The following INKA2 variants were observed in gnomAD, a reference collection of about 807,000 sequenced individuals.
INKA2 encodes the protein inka box actin regulator 2, also known as PAK4-inhibitor INKA2.
Under a neutral mutation model 9.8 loss-of-function variants are expected in INKA2, and 3 were observed. That is an observed-to-expected ratio of 0.31 (90% CI 0.14 to 0.79). INKA2 has a LOEUF of 0.79. Ranked by LOEUF, INKA2 falls within the 30% of genes least tolerant of loss-of-function variation. The pLI is 0.62. For synonymous variants in INKA2, 147 were observed against 143.3 expected, an observed-to-expected ratio of 1.03 and a Z score of -0.18; for missense variants, 392 against 384.4, an observed-to-expected ratio of 1.02 and a Z score of -0.17.
upstream of INKA2, chr1:111,740,033 C>G (rs1269158364): frequency 1.3e-5 from 2 of 152,282 alleles, no homozygotes; most frequent in Non-Finnish European, 2.9e-5. Context: ...GAGGTCCCTG[C>G]TCTCAAGAAC....
At chr1:111,752,015 C>G (rs1663422236) in intron 1 of INKA2, among the ~76,000 whole-genome samples, 1 of 151,626 alleles carries the variant, frequency 6.6e-6, no homozygotes, top group African/African-American at 2.4e-5. Context: ...GATAGTGTGG[C>G]AGCTTTTGAG....
chr1:111,727,370 G>C lies in INKA2; in HGVS notation c.492C>G (p.Asp164Glu), dbSNP rs1304699123. ...PLVLGDNVFA[D>E]LVGNWLDLPE... ...GCAAGTCTAGCCAATTGCCCACCAG[G>C]TCTGCAAAAACGTTGTCCCCTAACA... Residue 164 changes from aspartate (D) to glutamate (E), a missense_variant, in exon 2 of 2, where the codon GAC (aspartate) becomes GAG (glutamate). Physicochemically the swap from Asp to Glu is conservative, Grantham distance 45. Coordinates refer to ENST00000357260, the MANE Select transcript of INKA2 (RefSeq NM_019099.5). 8 of 1,613,946 alleles carry C rather than the reference G, an allele frequency of 5.0e-6. No individual in the cohort carries two copies. The South Asian group carries it at 8.8e-5, about 18-fold the overall frequency.
chr1:111,732,366 TG>T (rs1662925274), intron 1 of INKA2, among the ~76,000 whole-genome samples: 1 of 152,076 alleles, frequency 6.6e-6, no homozygotes, highest in South Asian at 2.1e-4. Flanking sequence ...CGAGCAGACA[TG>T]AGTAGCTCTA....
At chr1:111,749,443 TGTGC>T (rs1173401503) in intron 1 of INKA2, among the ~76,000 whole-genome samples, 123 of 145,796 alleles carry the variant, frequency 8.4e-4, no homozygotes, top group Non-Finnish European at 1.0e-3. Flanking sequence ...TGTGTGTGTG[TGTGC>T]GCGCGCGCGC....
At chr1:111,740,921 G>T (rs1195170798), upstream of INKA2, among the ~76,000 whole-genome samples, 1 of 142,836 alleles carries the variant, frequency 7.0e-6, no homozygotes, top group Non-Finnish European at 1.5e-5. Flanking sequence ...GCAGTGAGCC[G>T]AGATCGGGCC....
At position 111,727,753 on chromosome 1, in the gene INKA2, T is replaced by G. The variant is rs1416598417; in HGVS notation, c.109A>C (p.Met37Leu). The change falls in exon 2 of 2, where the codon ATG (methionine) becomes CTG (leucine). Residue 37 changes from methionine (M) to leucine (L), a missense_variant. Coordinates refer to ENST00000357260, the MANE Select transcript of INKA2 (RefSeq NM_019099.5). ...AGCTTCAGTTCTTGCAGTGCACCCA[T>G]CATGCAGTTCATCTGATCCTGTAAG... is the stretch of plus-strand genomic sequence containing the variant. ...DGLQDQMNCM[M>L]GALQELKLLQ... 1 of 1,612,432 alleles carries G rather than the reference T, an allele frequency of 6.2e-7. No homozygotes were observed. The highest frequency in any genetic ancestry group is 1.1e-5 in the South Asian group (1 of 91,080).
In INKA2 at chr1:111,725,802, G is replaced by C. The variant is rs532280459; in HGVS notation, c.*1166C>G. On this transcript the variant is annotated 3_prime_UTR_variant, in exon 2 of 2. Transcript: ENST00000357260. ...GGCTGGAGTGCAGTGGCATGATCTC[G>C]CCTCACTGCAACCTCCCTCTCCCGG... The C allele has an allele frequency of 4.8e-4, 120 of 250,756 alleles. No homozygotes were observed. The highest frequency in any genetic ancestry group is 8.1e-4 in the Non-Finnish European group (107 of 132,528). The allele number at this position is 250,756 out of a possible 1,614,324, so 15.5% of individuals were successfully genotyped here. A position where few individuals can be genotyped will look rare whatever the true frequency, so the allele number is the denominator to read the frequency against.
intron 1 of INKA2, among the ~76,000 whole-genome samples, chr1:111,736,803 C>G (rs148295046): frequency 6.6e-6 from 1 of 152,228 alleles, no homozygotes; most frequent in African/African-American, 2.4e-5. Context: ...ACACTTCTAT[C>G]CCAGCCACAA....
chr1:111,738,474 C>T (rs1383644424), intron 1 of INKA2, among the ~76,000 whole-genome samples: 2 of 152,082 alleles, frequency 1.3e-5, no homozygotes, highest in African/African-American at 4.8e-5. Flanking sequence ...CTCCCCAAGC[C>T]CAGACCTGAC....
At chr1:111,750,609 T>C (rs1663386078) in intron 1 of INKA2, among the ~76,000 whole-genome samples, 1 of 152,152 alleles carries the variant, frequency 6.6e-6, no homozygotes, top group African/African-American at 2.4e-5. Flanking sequence ...TGGAAAGCAG[T>C]GTACCAACAC....
intron 1 of INKA2, among the ~76,000 whole-genome samples, chr1:111,744,816 G>A (rs777923582): frequency 6.6e-6 from 1 of 152,028 alleles, no homozygotes; most frequent in Non-Finnish European, 1.5e-5. Context: ...TCCTGACCTC[G>A]TGATCTGCCC....
Position 111,727,204 on chromosome 1 carries a change from G to A in INKA2, c.658C>T (p.Pro220Ser). The change falls in exon 2 of 2, where the codon CCT (proline) becomes TCT (serine). Residue 220 changes from proline to serine, a missense_variant. By Grantham distance (74) the Pro-to-Ser change is moderately conservative. Coordinates refer to ENST00000357260, the MANE Select transcript of INKA2 (RefSeq NM_019099.5). Reference sequence around the variant, plus strand: ...TCCTTCAGCAGCCGGTCACGGTCAGGCCGCACACTACGCAAGAACTTCTTA... The same window carrying A: ...TCCTTCAGCAGCCGGTCACGGTCAGACCGCACACTACGCAAGAACTTCTTA... ...IFKKFLRSVR[P>S]DRDRLLKEKP... 2 of 1,614,238 alleles carry A rather than the reference G, an allele frequency of 1.2e-6. No individual in the cohort carries two copies. Among genetic ancestry groups the A allele is most frequent in the Non-Finnish European group, 1.7e-6 (2 of 1,180,040 alleles).
At position 111,726,295 on chromosome 1, in the gene INKA2, C is replaced by T. The variant is rs1035018185; in HGVS notation, c.*673G>A. 4 of 378,600 alleles carry T rather than the reference C, an allele frequency of 1.1e-5. No individual in the cohort carries two copies. The highest frequency in any genetic ancestry group is 4.2e-5 in the African/African-American group (2 of 48,108). 23.5% of individuals were successfully genotyped at this position (378,600 alleles called of 1,614,324 possible). On this transcript the variant is annotated 3_prime_UTR_variant, in exon 2 of 2. Coordinates refer to ENST00000357260, the MANE Select transcript of INKA2 (RefSeq NM_019099.5). ...ATCCTTCCCCTGTGCATGGGGGAGA[C>T]GCGGGGAGTGTCTAGGGCTTCCCTG...
Position 111,726,317 on chromosome 1 carries a change from C to T in INKA2, c.*651G>A. 1 of 367,522 alleles carries T rather than the reference C, an allele frequency of 2.7e-6. No homozygotes were observed. The highest frequency in any genetic ancestry group is 1.5e-4 in the South Asian group (1 of 6,722). The allele number at this position is 367,522 out of a possible 1,614,324, so 22.8% of individuals were successfully genotyped here. ...AGACGCGGGGAGTGTCTAGGGCTTC[C>T]CTGGCTGCTCCTTACACACTGTACT... On this transcript the variant is annotated 3_prime_UTR_variant, in exon 2 of 2. Coordinates refer to ENST00000357260, the MANE Select transcript of INKA2 (RefSeq NM_019099.5).
At chr1:111,734,180 G>T (rs189810204) in intron 1 of INKA2, among the ~76,000 whole-genome samples, 25 of 152,182 alleles carry the variant, frequency 1.6e-4, no homozygotes, top group African/African-American at 5.3e-4. Context: ...GGAAGTGAGG[G>T]CTGTGAAATG....
intron 1 of INKA2, chr1:111,745,319 C>A (rs187857): frequency 0.012 from 906 of 75,104 alleles, 13 homozygotes; most frequent in African/African-American, 0.042. Context: ...TTTTTTGAGA[C>A]AGGGTCTCAC....
rs1348856670 is a variant in INKA2 at position 111,727,716 on chromosome 1, T to C, written c.146A>G (p.Gln49Arg). 6.2e-7 allele frequency: 1 copy of C among 1,614,050 alleles called. No individual in the cohort carries two copies. The highest frequency in any genetic ancestry group is 8.5e-7 in the Non-Finnish European group (1 of 1,179,982). The change falls in exon 2 of 2, where the codon CAG (glutamine) becomes CGG (arginine). Residue 49 changes from glutamine (Q) to arginine (R), a missense_variant. Transcript: ENST00000357260. ...ALQELKLLQV[Q>R]TALEQLEISG... ...GATCTCCAGCTGTTCCAGTGCTGTCTGCACCTGGAGGAGCTTCAGTTCTTG... is the reference window on the plus strand; with the variant it reads ...GATCTCCAGCTGTTCCAGTGCTGTCCGCACCTGGAGGAGCTTCAGTTCTTG...
At position 111,727,154 on chromosome 1, in the gene INKA2, C is replaced by T. The variant is rs754424975; in HGVS notation, c.708G>A (p.Met236Ile). The change falls in exon 2 of 2, where the codon ATG becomes ATA. Residue 236 changes from methionine to isoleucine, a missense_variant. By Grantham distance (10) the Met-to-Ile change is conservative. Transcript: ENST00000357260. ...LKEKPGWVTP[M>I]VPESRTGRSQ... is the part of the protein sequence containing the mutation. Reference sequence around the variant, plus strand: ...AGCGGCCGGTTCGGGACTCAGGGACCATGGGTGTCACCCAGCCTGGCTTCT... The same window carrying T: ...AGCGGCCGGTTCGGGACTCAGGGACTATGGGTGTCACCCAGCCTGGCTTCT... 6.2e-7 allele frequency: 1 copy of T among 1,614,210 alleles called. No individual in the cohort carries two copies.
At chr1:111,731,976 C>G (rs1042509122) in intron 1 of INKA2, among the ~76,000 whole-genome samples, 2 of 152,234 alleles carry the variant, frequency 1.3e-5, no homozygotes, top group Non-Finnish European at 2.9e-5. Context: ...CTCCTGCCCA[C>G]TCCCAGCCAC....
Sources: gnomAD v4.1 joint callset for allele counts (sites outside exome capture counted in the v4.1 genomes callset) on GRCh38, gnomAD v4.1.1 for gene constraint, MANE v1.5 for transcripts, NCBI Gene and HGNC (gene_info 2026-07-23, HGNC 2026-07-21) for gene names.